Variants in LUZP2 observed in about 807,000 individuals in gnomAD.
LUZP2 encodes the protein leucine zipper protein 2.
In LUZP2, 52 loss-of-function variants were observed where a neutral mutation model predicts 51.6. The ratio of observed to expected loss-of-function variants is 1.01; its 90% CI spans 0.81 to 1.27. The LOEUF (loss-of-function observed/expected upper bound fraction) is 1.27. LUZP2 is among the 50% of genes most tolerant of loss of function. The pLI is 0.00. For missense variants in LUZP2, 436 were observed against 395.4 expected (o/e 1.10, Z -0.87); for synonymous variants, 154 against 137.3 (o/e 1.12, Z -0.85).
intron 1 of LUZP2, among the ~76,000 whole-genome samples, chr11:24,606,362 G>A (rs928747923): frequency 1.3e-5 from 2 of 151,908 alleles, no homozygotes; most frequent in Admixed American, 6.6e-5. Flanking sequence ...AGTGTTCTGA[G>A]CACATTTAAA....
chr11:24,914,002 C>T (rs1395553059), intron 6 of LUZP2, among the ~76,000 whole-genome samples: 1 of 152,092 alleles, frequency 6.6e-6, no homozygotes, highest in Non-Finnish European at 1.5e-5. Context: ...ACATTCAGCT[C>T]AGCATGTTAG....
intron 7 of LUZP2, among the ~76,000 whole-genome samples, chr11:24,961,015 A>T (rs967109316): frequency 2.6e-5 from 4 of 152,108 alleles, no homozygotes; most frequent in African/African-American, 9.7e-5. Context: ...CCCAGTAGTC[A>T]TTCAGGAGCA....
intron 1 of LUZP2, among the ~76,000 whole-genome samples, chr11:24,674,359 A>T (rs2133855557): frequency 6.6e-6 from 1 of 152,318 alleles, no homozygotes; most frequent in Middle Eastern, 3.4e-3. Context: ...TTCTGGTTAC[A>T]GGATGAAATA....
intron 9 of LUZP2, among the ~76,000 whole-genome samples, chr11:25,049,624 C>T (rs925104237): frequency 6.6e-6 from 1 of 151,918 alleles, no homozygotes; most frequent in Non-Finnish European, 1.5e-5. Flanking sequence ...GAATCATTTT[C>T]TTTCTATCGA....
chr11:24,763,967 T>G (rs909028259), intron 5 of LUZP2, among the ~76,000 whole-genome samples: 1 of 152,232 alleles, frequency 6.6e-6, no homozygotes, highest in African/African-American at 2.4e-5. Flanking sequence ...CTAATTATGT[T>G]TTATTTTGAA....
chr11:25,034,017 AG>A (rs1182835297), intron 9 of LUZP2, among the ~76,000 whole-genome samples: 1 of 152,160 alleles, frequency 6.6e-6, no homozygotes, highest in Non-Finnish European at 1.5e-5. Flanking sequence ...TCCTTTCCAC[AG>A]CAACTGGTCT....
chr11:24,795,075 A>C (rs2134103066), intron 5 of LUZP2, among the ~76,000 whole-genome samples: 1 of 152,218 alleles, frequency 6.6e-6, no homozygotes, highest in South Asian at 2.1e-4. Context: ...ACTTTCCAAA[A>C]TGTTCGACTT....
chr11:24,567,845 C>T (rs1426900270), intron 1 of LUZP2, among the ~76,000 whole-genome samples: 1 of 152,016 alleles, frequency 6.6e-6, no homozygotes, highest in East Asian at 1.9e-4. Context: ...AAAGGAAGTT[C>T]CTCAGCATGA....
intron 10 of LUZP2, among the ~76,000 whole-genome samples, chr11:25,067,519 C>T (rs1220519604): frequency 6.6e-6 from 1 of 151,670 alleles, no homozygotes; most frequent in Non-Finnish European, 1.5e-5. Flanking sequence ...TTAGGTATTA[C>T]ATTTAAGTTT....
At chr11:24,658,749 A>G (rs769995382) in intron 1 of LUZP2, among the ~76,000 whole-genome samples, 1 of 152,206 alleles carries the variant, frequency 6.6e-6, no homozygotes, top group African/African-American at 2.4e-5. Context: ...CCCCATCAAA[A>G]AGTCAATGAA....
intron 5 of LUZP2, among the ~76,000 whole-genome samples, chr11:24,781,022 ACTGT>A (rs1192705206): frequency 6.6e-6 from 1 of 152,130 alleles, no homozygotes; most frequent in Admixed American, 6.6e-5. Flanking sequence ...GTGATGCCAG[ACTGT>A]CTAACACAAG....
At chr11:24,746,324 T>C (rs1391938307) in intron 4 of LUZP2, among the ~76,000 whole-genome samples, 2 of 152,292 alleles carry the variant, frequency 1.3e-5, no homozygotes, top group Non-Finnish European at 2.9e-5. Context: ...TTACTTTCAC[T>C]GGATACAAAA....
intron 1 of LUZP2, among the ~76,000 whole-genome samples, chr11:24,518,475 TG>T (rs1850546798): frequency 6.6e-6 from 1 of 152,208 alleles, no homozygotes; most frequent in East Asian, 1.9e-4. Flanking sequence ...AAGTGTTAAA[TG>T]AGAAATTTCT....
chr11:24,777,928 T>TG (rs1261259788), intron 5 of LUZP2, among the ~76,000 whole-genome samples: 1 of 151,982 alleles, frequency 6.6e-6, no homozygotes, highest in Non-Finnish European at 1.5e-5. Flanking sequence ...AAAGTCTTTT[T>TG]TTAATATTAT....
chr11:24,870,529 G>A (rs1454595751), intron 5 of LUZP2, among the ~76,000 whole-genome samples: 1 of 151,248 alleles, frequency 6.6e-6, no homozygotes, highest in African/African-American at 2.4e-5. Flanking sequence ...GTGATACTGA[G>A]AGCATTATTT....
At chr11:24,742,675 C>T (rs1859227202) in intron 4 of LUZP2, among the ~76,000 whole-genome samples, 1 of 152,044 alleles carries the variant, frequency 6.6e-6, no homozygotes, top group Admixed American at 6.6e-5. Context: ...GTTCCTTTTG[C>T]TGTGCAAAAG....
chr11:24,595,427 G>C (rs1417267789), intron 1 of LUZP2, among the ~76,000 whole-genome samples: 1 of 152,112 alleles, frequency 6.6e-6, no homozygotes, highest in Non-Finnish European at 1.5e-5. Flanking sequence ...ATTAGTCTCA[G>C]GTCAGTAATA....
intron 5 of LUZP2, among the ~76,000 whole-genome samples, chr11:24,774,364 A>C (rs11602692): frequency 0.63 from 39,268 of 61,964 alleles, 10,247 homozygotes; most frequent in Non-Finnish European, 0.68. Flanking sequence ...CTCTCTCTCT[A>C]TATATATATA....
At chr11:24,570,617 G>A (rs963405190) in intron 1 of LUZP2, among the ~76,000 whole-genome samples, 4 of 152,042 alleles carry the variant, frequency 2.6e-5, no homozygotes, top group East Asian at 3.9e-4. Context: ...CTTCAGCAAC[G>A]GCTTTAATAA....
Sources: gnomAD v4.1 joint callset for allele counts (sites outside exome capture counted in the v4.1 genomes callset) on GRCh38, gnomAD v4.1.1 for gene constraint, MANE v1.5 for transcripts, NCBI Gene and HGNC (gene_info 2026-07-23, HGNC 2026-07-21) for gene names.